Variants in BEND5 observed in about 807,000 individuals in gnomAD.
BEND5 encodes BEN domain containing 5.
Under a neutral mutation model 43.9 loss-of-function variants are expected in BEND5, and 22 were observed. The ratio of observed to expected loss-of-function variants is 0.50; its 90% CI spans 0.36 to 0.72. BEND5 has a LOEUF of 0.72. Among genes scored for constraint, BEND5 ranks in the 30% least tolerant of loss-of-function variants. The probability of loss-of-function intolerance (pLI) is 0.00; values close to 1 mark genes in which losing one functional copy is unlikely to be tolerated. For synonymous variants in BEND5, 228 were observed against 225.9 expected (o/e 1.01, Z -0.08); for missense variants, 428 against 550.6 (o/e 0.78, Z 2.23).
In BEND5 at chr1:48,736,057, T is replaced by C. The variant is rs1205149460; in HGVS notation, c.1108+182A>G. On this transcript the variant is annotated intron_variant, in intron 5 of 5. Coordinates refer to ENST00000371833, the MANE Select transcript of BEND5 (RefSeq NM_024603.4). This position sits in a 1 kb window ranked among gnomAD's most constrained non-coding sequence, Gnocchi z 4.0. ...ATCGTACTTGTGTCCACAGCTCATCTGCCCTGGTAAATGTGAGCTCTTCTG... is the reference window on the plus strand; with the variant it reads ...ATCGTACTTGTGTCCACAGCTCATCCGCCCTGGTAAATGTGAGCTCTTCTG... 2.0e-5 allele frequency among the ~76,000 whole-genome samples: 3 copies of C among 152,230 alleles called. No homozygotes were observed. The highest frequency in any genetic ancestry group is 7.2e-5 in the African/African-American group (3 of 41,466).
In BEND5 at chr1:48,727,930, A is replaced by G; in HGVS notation, c.1222T>C (p.Cys408Arg). ...GCTTCCCTTCGTTCTTCATTTTTAC[A>G]GGATTTATTGATATCCATGATTTTT... is the stretch of plus-strand genomic sequence containing the variant. The part of the protein sequence containing the change: ...CEKIMDINKS[C>R]KNEERREAKY... Residue 408 changes from cysteine to arginine, a missense_variant, in exon 6 of 6, where the codon TGT (cysteine) becomes CGT (arginine). Cys to Arg is a radical substitution (Grantham distance 180). Around this residue, in one of 4 missense-constraint regions of BEND5, gnomAD observed 75 missense variants for 148.5 expected, o/e 0.50. Transcript: ENST00000371833. 6.2e-7 allele frequency: 1 copy of G among 1,610,090 alleles called. No homozygotes were observed. Among genetic ancestry groups the G allele is most frequent in the Non-Finnish European group, 8.5e-7 (1 of 1,177,026 alleles).
chr1:48,742,746 T>G lies in BEND5; in HGVS notation c.771A>C (p.Val257=), dbSNP rs1029794726. Reference sequence around the variant, plus strand: ...GCTCGGGCTCGAGACATTCTGACTTTACTTTTTCCAGATCAATGGCGGGAC... The same window carrying G: ...GCTCGGGCTCGAGACATTCTGACTTGACTTTTTCCAGATCAATGGCGGGAC... ...GSGPAIDLEK[V]KSECLEPEPE... is the part of the protein sequence containing the mutation. Residue 257 remains valine, a synonymous_variant, in exon 4 of 6, where the codon GTA becomes GTC. Coordinates refer to ENST00000371833, the MANE Select transcript of BEND5 (RefSeq NM_024603.4). The G allele has an allele frequency of 1.2e-6, 2 of 1,604,356 alleles. No individual in the cohort carries two copies. Among genetic ancestry groups the G allele is most frequent in the African/African-American group, 2.7e-5 (2 of 74,598 alleles).
At position 48,766,171 on chromosome 1, in the gene BEND5, T is replaced by C. The variant is rs555058506; in HGVS notation, c.227-4701A>G. On this transcript the variant is annotated intron_variant, in intron 1 of 5. Coordinates refer to ENST00000371833, the MANE Select transcript of BEND5 (RefSeq NM_024603.4). Reference sequence around the variant, plus strand: ...ACCTCTATAAAGATCTTCATATAAATTATACCTCACAACAACCTTGCAAGT... The same window carrying C: ...ACCTCTATAAAGATCTTCATATAAACTATACCTCACAACAACCTTGCAAGT... 6.6e-4 allele frequency among the ~76,000 whole-genome samples: 101 copies of C among 152,322 alleles called. 2 individuals carry two copies. Among genetic ancestry groups the C allele is most frequent in the Admixed American group, 2.2e-3 (34 of 15,308 alleles).
At chr1:48,763,029 A>G (rs1488564157) in intron 1 of BEND5, among the ~76,000 whole-genome samples, 3 of 152,198 alleles carry the variant, frequency 2.0e-5, no homozygotes, top group South Asian at 4.1e-4. Flanking sequence ...ATGGCACAAT[A>G]TAATTGGTAT....
At chr1:48,738,125 T>C (rs2148582499) in intron 4 of BEND5, among the ~76,000 whole-genome samples, 1 of 152,284 alleles carries the variant, frequency 6.6e-6, no homozygotes, top group South Asian at 2.1e-4. Flanking sequence ...TGAATACACA[T>C]AGTTAGGCAG....
At chr1:48,750,694 C>T (rs1048077190) in intron 3 of BEND5, among the ~76,000 whole-genome samples, 1 of 152,230 alleles carries the variant, frequency 6.6e-6, no homozygotes, top group African/African-American at 2.4e-5. Flanking sequence ...AAAACATTTC[C>T]CTACGGTCAG....
At chr1:48,762,288 T>G (rs1441485504) in intron 1 of BEND5, among the ~76,000 whole-genome samples, 3 of 152,242 alleles carry the variant, frequency 2.0e-5, no homozygotes, top group Admixed American at 6.5e-5. Context: ...ATTTTCTCAT[T>G]CTTTAAGCTC....
intron 4 of BEND5, among the ~76,000 whole-genome samples, chr1:48,738,512 G>A (rs1018409655): frequency 3.3e-5 from 5 of 152,196 alleles, no homozygotes; most frequent in Admixed American, 6.5e-5. Context: ...GGGCATGCTG[G>A]GGACAAGTTC....
chr1:48,747,285 T>C (rs1346307324), intron 3 of BEND5, among the ~76,000 whole-genome samples: 3 of 152,346 alleles, frequency 2.0e-5, no homozygotes, highest in South Asian at 2.1e-4. Context: ...CATTCGGATA[T>C]TGACACACAC....
intron 3 of BEND5, among the ~76,000 whole-genome samples, chr1:48,746,019 G>T (rs141817361): frequency 1.5e-4 from 23 of 152,240 alleles, no homozygotes; most frequent in Admixed American, 7.2e-4. Flanking sequence ...TCAGAGACCA[G>T]GTCTCACCTG....
chr1:48,736,249 G>A lies in BEND5; in HGVS notation c.1098C>T (p.Ser366=), dbSNP rs758239714. 19 of 1,614,026 alleles carry A rather than the reference G, an allele frequency of 1.2e-5. No homozygotes were observed. In the South Asian group the frequency reaches 1.9e-4, roughly 16 times the overall value. Residue 366 remains serine (S), a synonymous_variant, in exon 5 of 6, where the codon AGC becomes AGT. Coordinates refer to ENST00000371833, the MANE Select transcript of BEND5 (RefSeq NM_024603.4). This position sits in a 1 kb window ranked among gnomAD's most constrained non-coding sequence, Gnocchi z 4.0. ...PKPPLSPHKL[S]IVRECLYDRI... ...CACTCAGTGACCTACCTCTGACGAT[G>A]CTTAGTTTGTGAGGCGAGAGGGGTG...
At chr1:48,739,815 C>T (rs954509134) in intron 4 of BEND5, among the ~76,000 whole-genome samples, 1 of 152,210 alleles carries the variant, frequency 6.6e-6, no homozygotes, top group African/African-American at 2.4e-5. Context: ...GTTTTCCCTA[C>T]GTTTTCTTAA....
At chr1:48,766,147 C>A (rs1384531071) in intron 1 of BEND5, among the ~76,000 whole-genome samples, 2 of 152,080 alleles carry the variant, frequency 1.3e-5, no homozygotes, top group African/African-American at 2.4e-5. Context: ...ATGTCAGATA[C>A]CTCTATAAAG....
At chr1:48,739,716 G>A (rs1448918628) in intron 4 of BEND5, among the ~76,000 whole-genome samples, 1 of 152,210 alleles carries the variant, frequency 6.6e-6, no homozygotes, top group Non-Finnish European at 1.5e-5. Context: ...TGTGTAAAGT[G>A]TCAGGAGGAC....
At chr1:48,763,233 C>A (rs886764791) in intron 1 of BEND5, among the ~76,000 whole-genome samples, 2 of 152,186 alleles carry the variant, frequency 1.3e-5, no homozygotes, top group African/African-American at 4.8e-5. Flanking sequence ...GCCTTTCCCA[C>A]TGAGTGGAGG....
At chr1:48,735,958 G>A (rs1328199045) in intron 5 of BEND5, among the ~76,000 whole-genome samples, 1 of 152,020 alleles carries the variant, frequency 6.6e-6, no homozygotes, top group Admixed American at 6.5e-5. Flanking sequence ...TCCAGCTAAG[G>A]GTATCCTCCC....
intron 5 of BEND5, among the ~76,000 whole-genome samples, chr1:48,730,967 C>G (rs1195873052): frequency 6.6e-6 from 1 of 152,156 alleles, no homozygotes; most frequent in Non-Finnish European, 1.5e-5. Context: ...TTTTGTCTTT[C>G]CAAAGCAGCG....
Position 48,776,735 on chromosome 1 carries a change from CA to C in BEND5, c.96del (p.Phe32LeufsTer54). ...TACACGGCGTACACCTTCTGGTTGT[CA>C]AAATCCAGCCGCGAGCGGGGGCTGA... ...RDFSPRSRLD[F>X]DNQKVYAVYR... On this transcript the variant is annotated frameshift_variant, in exon 1 of 6. Transcript: ENST00000371833. LOFTEE classifies it high-confidence loss of function. 2 of 1,528,266 alleles carry C rather than the reference CA, an allele frequency of 1.3e-6. No individual in the cohort carries two copies. Among genetic ancestry groups the C allele is most frequent in the African/African-American group, 1.4e-5 (1 of 69,814 alleles). 94.7% of individuals were successfully genotyped at this position (1,528,266 alleles called of 1,614,324 possible). A position where few individuals can be genotyped will look rare whatever the true frequency, so the allele number is the denominator to read the frequency against.
intron 1 of BEND5, among the ~76,000 whole-genome samples, chr1:48,774,305 A>T (rs1222371766): frequency 6.6e-6 from 1 of 152,238 alleles, no homozygotes. Flanking sequence ...AGCAATTCTC[A>T]GAGCCACCAA....
Sources: allele counts gnomAD v4.1 joint callset (sites outside exome capture counted in the v4.1 genomes callset), GRCh38; gene constraint gnomAD v4.1.1; regional missense constraint gnomAD v4.1.1; non-coding constraint Gnocchi (gnomAD v3.1); transcripts MANE v1.5; gene names NCBI Gene and HGNC (gene_info 2026-07-23, HGNC 2026-07-21).